MCM3AP: variants seen among roughly 807,000 people sequenced by gnomAD.
MCM3AP encodes the protein minichromosome maintenance complex component 3 associated protein, also known as germinal-center associated nuclear protein.
Under a neutral mutation model 184.1 loss-of-function variants are expected in MCM3AP, and 126 were observed. That is an observed-to-expected ratio of 0.68 (90% CI 0.59 to 0.79). The LOEUF is 0.79. Among genes scored for constraint, MCM3AP ranks in the 30% least tolerant of loss-of-function variants. The pLI is 0.00. For synonymous variants in MCM3AP, 1,002 were observed against 979.3 expected, an observed-to-expected ratio of 1.02 and a Z score of -0.43; for missense variants, 2,496 against 2,479.2, an observed-to-expected ratio of 1.01 and a Z score of -0.14.
chr21:46,258,310 T>C (rs993656581), intron 16 of MCM3AP, among the ~76,000 whole-genome samples: 5 of 152,194 alleles, frequency 3.3e-5, no homozygotes, highest in African/African-American at 1.2e-4. Context: ...TCATACAACA[T>C]ACGTAACACA....
intron 20 of MCM3AP, chr21:46,251,233 A>G (rs1444721455): frequency 1.8e-5 from 4 of 221,116 alleles, no homozygotes; most frequent in Non-Finnish European, 2.6e-5. Flanking sequence ...CTTCTTTTAC[A>G]TTTCCTCATT....
rs749236356 is a variant in MCM3AP at position 46,260,775 on chromosome 21, C to T, written c.3581+18G>A. On this transcript the variant is annotated intron_variant, in intron 15 of 27. Transcript: ENST00000291688. ...AGCTCACTCTCCTGGCACAGCAAGACACCAGCGTTTCACTTACTTCAACTC... is the reference window on the plus strand; with the variant it reads ...AGCTCACTCTCCTGGCACAGCAAGATACCAGCGTTTCACTTACTTCAACTC... The T allele has an allele frequency of 3.2e-6, 5 of 1,564,288 alleles. No homozygotes were observed. The highest frequency in any genetic ancestry group is 4.4e-6 in the Non-Finnish European group (5 of 1,134,598).
rs1270182084 is a variant in MCM3AP at position 46,283,707 on chromosome 21, T to C, written c.1351A>G (p.Ile451Val). The C allele has an allele frequency of 2.5e-6, 4 of 1,614,144 alleles. No homozygotes were observed. Among genetic ancestry groups the C allele is most frequent in the Admixed American group, 3.3e-5 (2 of 60,014 alleles). The change falls in exon 2 of 28, where the codon ATT (isoleucine) becomes GTT (valine). Residue 451 changes from isoleucine to valine, a missense_variant. Ile to Val is a conservative substitution (Grantham distance 29). Coordinates refer to ENST00000291688, the MANE Select transcript of MCM3AP (RefSeq NM_003906.5). ...ATTTTGCCAAAATGGTTCTCCAGAA[T>C]GGTCCTGTCGTTGAGGTAGTCAGGG... The part of the protein sequence containing the change: ...NIPDYLNDRT[I>V]LENHFGKIAK...
chr21:46,251,701 CA>C lies in MCM3AP; in HGVS notation c.4137-20del. The C allele has an allele frequency of 6.8e-7, 1 of 1,460,688 alleles. No individual in the cohort carries two copies. Among genetic ancestry groups the C allele is most frequent in the African/African-American group, 1.4e-5 (1 of 69,888 alleles). 90.5% of individuals were successfully genotyped at this position (1,460,688 alleles called of 1,614,324 possible). A position where few individuals can be genotyped will look rare whatever the true frequency, so the allele number is the denominator to read the frequency against. On this transcript the variant is annotated intron_variant, in intron 19 of 27. Coordinates refer to ENST00000291688, the MANE Select transcript of MCM3AP (RefSeq NM_003906.5). ...TAGAATTCTACAGATTTAAAAAAAACAAAAAACAAAAAAAACACTTGAAGAA... is the reference window on the plus strand; with the variant it reads ...TAGAATTCTACAGATTTAAAAAAAACAAAAACAAAAAAAACACTTGAAGAA...
At chr21:46,251,418 C>G (rs2080866316) in intron 20 of MCM3AP, 111 bp downstream of exon 20, 1 of 887,120 alleles carries the variant, frequency 1.1e-6, no homozygotes, top group African/African-American at 1.7e-5. Flanking sequence ...GCCTCCCAGT[C>G]TTTCAAAACC....
Position 46,277,532 on chromosome 21 carries a change from C to T in MCM3AP, c.1853G>A (p.Arg618Gln). The change falls in exon 5 of 28, where the codon CGG becomes CAG. Residue 618 changes from arginine to glutamine, a missense_variant. Coordinates refer to ENST00000291688, the MANE Select transcript of MCM3AP (RefSeq NM_003906.5). ...TCTGCCACCAAGTGCCATACCTTGC[C>T]GCATGATCCTGTCTCTCTGGTCAAG... ...RLLDQRDRIMRQARVKRTDLD... is the reference protein window; with the variant it reads ...RLLDQRDRIMQQARVKRTDLD... 2 of 1,570,878 alleles carry T rather than the reference C, an allele frequency of 1.3e-6. No individual in the cohort carries two copies. The highest frequency in any genetic ancestry group is 1.7e-6 in the Non-Finnish European group (2 of 1,158,846).
chr21:46,264,482 A>G (rs989962750), intron 12 of MCM3AP, among the ~76,000 whole-genome samples: 1 of 151,738 alleles, frequency 6.6e-6, no homozygotes, highest in Non-Finnish European at 1.5e-5. Context: ...TTCTGTGACC[A>G]CTCTATGCTC....
At chr21:46,264,448 C>T (rs1016512059) in intron 12 of MCM3AP, among the ~76,000 whole-genome samples, 1 of 152,168 alleles carries the variant, frequency 6.6e-6, no homozygotes, top group Admixed American at 6.5e-5. Flanking sequence ...TAGCCATCTC[C>T]AGTCTACGTC....
At chr21:46,265,698 C>T (rs2081103046) in intron 11 of MCM3AP, among the ~76,000 whole-genome samples, 175 bp from the exon 12 acceptor site, 1 of 152,144 alleles carries the variant, frequency 6.6e-6, no homozygotes, top group African/African-American at 2.4e-5. Flanking sequence ...AAAAACAAGC[C>T]CCAGGATGTC....
chr21:46,268,684 T>A (rs1017415414), intron 9 of MCM3AP, among the ~76,000 whole-genome samples: 4 of 152,236 alleles, frequency 2.6e-5, no homozygotes, highest in Admixed American at 6.5e-5. Flanking sequence ...GGAGGCTGCC[T>A]CTGTGCGCCA....
chr21:46,244,988 C>G lies in MCM3AP; in HGVS notation c.4857G>C (p.Leu1619=), dbSNP rs958228324. Residue 1619 remains leucine (L), a synonymous_variant, in exon 23 of 28, where the codon CTG becomes CTC. Coordinates refer to ENST00000291688, the MANE Select transcript of MCM3AP (RefSeq NM_003906.5). ...IELFNSVLQF[L]ASVVSSEQLC... is the part of the protein sequence containing the mutation. ...GCTGTTCAGAGGACACCACAGAAGC[C>G]AGGAACTGCAGCACACTGTTAAACA... 13 of 1,614,218 alleles carry G rather than the reference C, an allele frequency of 8.1e-6. No individual in the cohort carries two copies. The highest frequency in any genetic ancestry group is 1.0e-5 in the Non-Finnish European group (12 of 1,180,034).
chr21:46,275,022 A>G (rs1459706056), intron 6 of MCM3AP, among the ~76,000 whole-genome samples, 164 bp downstream of exon 6: 2 of 152,146 alleles, frequency 1.3e-5, no homozygotes, highest in South Asian at 2.1e-4. Flanking sequence ...TATAGGTACC[A>G]ATTACAGAGT....
intron 20 of MCM3AP, among the ~76,000 whole-genome samples, chr21:46,248,156 G>A (rs755817600): frequency 3.3e-5 from 5 of 152,130 alleles, no homozygotes; most frequent in African/African-American, 1.2e-4. Flanking sequence ...ATACCCAGGC[G>A]CTGCAGACAC....
rs1259133759 is a variant in MCM3AP, at chr21:46,265,972, G to C, written c.2984C>G (p.Ala995Gly). Residue 995 changes from alanine to glycine, a missense_variant, in exon 11 of 28, where the codon GCC becomes GGC. Coordinates refer to ENST00000291688, the MANE Select transcript of MCM3AP (RefSeq NM_003906.5). ...SQNKYIGESLAAELPVSTQRP... is the reference protein window; with the variant it reads ...SQNKYIGESLGAELPVSTQRP... ...CTGGGTGCTGACGGGCAGCTCCGCG[G>C]CCAGGCTCTCCCCGATGTACTTGTT... The C allele has an allele frequency of 1.9e-6, 3 of 1,603,166 alleles. No individual in the cohort carries two copies. In the African/African-American group the frequency reaches 4.0e-5, roughly 21 times the overall value.
chr21:46,267,856 C>T (rs1445087986), intron 9 of MCM3AP: 1 of 151,858 alleles, frequency 6.6e-6, no homozygotes, highest in Non-Finnish European at 1.5e-5. Flanking sequence ...TTGATCACAC[C>T]ACTGCACTCC....
At chr21:46,248,583 A>T (rs2212749) in intron 20 of MCM3AP, among the ~76,000 whole-genome samples, 6,523 of 151,636 alleles carry the variant, frequency 0.043, 206 homozygotes, top group Non-Finnish European at 0.067. Context: ...GAGGGCCTCC[A>T]ACATAAAAGA....
intron 4 of MCM3AP, among the ~76,000 whole-genome samples, chr21:46,278,959 A>C (rs1413428832): frequency 1.5e-5 from 2 of 130,160 alleles, no homozygotes; most frequent in African/African-American, 5.8e-5. Flanking sequence ...AGGCGTGAGC[A>C]CTGCGCCCGG....
Position 46,236,811 on chromosome 21 carries a change from T to C in MCM3AP, c.5784+18A>G. 6.6e-7 allele frequency: 1 copy of C among 1,511,840 alleles called. No individual in the cohort carries two copies. The highest frequency in any genetic ancestry group is 8.8e-7 in the Non-Finnish European group (1 of 1,132,808). 93.7% of individuals were successfully genotyped at this position (1,511,840 alleles called of 1,614,324 possible). On this transcript the variant is annotated intron_variant, in intron 27 of 27. Coordinates refer to ENST00000291688, the MANE Select transcript of MCM3AP (RefSeq NM_003906.5). ...CTTTAATTCTTATGTAAATGCCAAA[T>C]GTATACGTTCTTCTCACCTGTGGGC...
chr21:46,238,750 T>TTATTTTTTTTTGACA (rs2080594377), intron 26 of MCM3AP, among the ~76,000 whole-genome samples: 1 of 51,788 alleles, frequency 1.9e-5, no homozygotes, highest in African/African-American at 9.1e-5. Flanking sequence ...ACTTAAATTA[T>TTATTTTTTTTTGACA]AGAGACTGAT....
Sources: allele counts gnomAD v4.1 joint callset (sites outside exome capture counted in the v4.1 genomes callset), GRCh38; gene constraint gnomAD v4.1.1; transcripts MANE v1.5; gene names NCBI Gene and HGNC (gene_info 2026-07-23, HGNC 2026-07-21).